NALF1: variants seen among roughly 807,000 people sequenced by gnomAD.
The protein encoded by NALF1 is NALCN channel auxiliary factor 1, also known as family with sequence similarity 155 member A.
A neutral mutation model predicts 48.4 loss-of-function variants in NALF1; 3 were observed. The ratio of observed to expected loss-of-function variants is 0.06; its 90% CI spans 0.03 to 0.16. The LOEUF (loss-of-function observed/expected upper bound fraction) is 0.16. NALF1 is among the 10% of genes least tolerant of loss of function. NALF1 has a pLI of 1.00. For missense variants in NALF1, 526 were observed against 571.5 expected (o/e 0.92, Z 0.81); for synonymous variants, 262 against 245.7 (o/e 1.07, Z -0.62).
intron 1 of NALF1, among the ~76,000 whole-genome samples, chr13:107,222,858 T>A (rs1327154294): frequency 6.6e-6 from 1 of 152,220 alleles, no homozygotes; most frequent in East Asian, 1.9e-4. Context: ...AATGAATGAA[T>A]GAAAGAATGC....
intron 1 of NALF1, among the ~76,000 whole-genome samples, chr13:107,470,108 T>C (rs1885075973): frequency 6.6e-6 from 1 of 152,182 alleles, no homozygotes; most frequent in South Asian, 2.1e-4. Flanking sequence ...TCAATATTTA[T>C]AATTGAATCT....
intron 2 of NALF1, among the ~76,000 whole-genome samples, chr13:107,184,383 C>G (rs996334939): frequency 1.3e-5 from 2 of 151,594 alleles, no homozygotes; most frequent in African/African-American, 2.4e-5. Flanking sequence ...TTTATTTCCT[C>G]CTTCAGTTTT....
At chr13:107,412,729 A>G (rs1204099303) in intron 1 of NALF1, among the ~76,000 whole-genome samples, 4 of 152,202 alleles carry the variant, frequency 2.6e-5, no homozygotes, top group African/African-American at 9.6e-5. Flanking sequence ...TTACAATAGT[A>G]TCGTATCAAA....
chr13:107,821,418 G>A (rs1484340201), intron 1 of NALF1, among the ~76,000 whole-genome samples: 3 of 152,110 alleles, frequency 2.0e-5, no homozygotes, highest in African/African-American at 4.8e-5. Flanking sequence ...TTGAGATGAC[G>A]CGTGAGGGCT....
intron 1 of NALF1, among the ~76,000 whole-genome samples, chr13:107,472,978 G>T (rs1331083195): frequency 1.3e-5 from 2 of 152,116 alleles, no homozygotes; most frequent in Non-Finnish European, 2.9e-5. Context: ...TTTCAACCTG[G>T]AATTTGTCTT....
At chr13:107,306,563 T>C (rs901353116) in intron 1 of NALF1, among the ~76,000 whole-genome samples, 4 of 152,178 alleles carry the variant, frequency 2.6e-5, no homozygotes, top group Non-Finnish European at 4.4e-5. Context: ...ACAGCAACTA[T>C]GGCCACAACA....
intron 1 of NALF1, among the ~76,000 whole-genome samples, chr13:107,353,659 A>C (rs1882913268): frequency 6.6e-6 from 1 of 152,214 alleles, no homozygotes; most frequent in Non-Finnish European, 1.5e-5. Context: ...GACTCAGCCA[A>C]TGAGGACATG....
At chr13:107,698,647 T>G (rs1449175120) in intron 1 of NALF1, among the ~76,000 whole-genome samples, 1 of 152,150 alleles carries the variant, frequency 6.6e-6, no homozygotes, top group Non-Finnish European at 1.5e-5. Context: ...AAAATATCAT[T>G]CTCTGAGATC....
rs193103084 is a variant in NALF1, at chr13:107,190,924, C to G, written c.1087+19660G>C. ...GGTGTAGCTTCATTTGAAGAGGATACTATTCATTAGAATTGCAGCATTCCA... is the reference window on the plus strand; with the variant it reads ...GGTGTAGCTTCATTTGAAGAGGATAGTATTCATTAGAATTGCAGCATTCCA... On this transcript the variant is annotated intron_variant, in intron 2 of 2. Transcript: ENST00000375915. 4.5e-3 allele frequency among the ~76,000 whole-genome samples: 691 copies of G among 152,268 alleles called. 4 individuals carry two copies. Among genetic ancestry groups the G allele is most frequent in the Non-Finnish European group, 7.4e-3 (505 of 68,022 alleles).
chr13:107,179,682 A>C (rs953331247), intron 2 of NALF1, among the ~76,000 whole-genome samples: 2 of 151,384 alleles, frequency 1.3e-5, no homozygotes, highest in Non-Finnish European at 2.9e-5. Flanking sequence ...AAAAAAAAAA[A>C]AAAACCACAG....
chr13:107,777,087 G>A (rs999786977), intron 1 of NALF1, among the ~76,000 whole-genome samples: 4 of 152,060 alleles, frequency 2.6e-5, no homozygotes, highest in Non-Finnish European at 5.9e-5. Flanking sequence ...GCAAGAACCT[G>A]TCTCAAACAA....
intron 1 of NALF1, among the ~76,000 whole-genome samples, chr13:107,688,605 A>G (rs1797813927): frequency 6.6e-6 from 1 of 152,236 alleles, no homozygotes; most frequent in Admixed American, 6.5e-5. Flanking sequence ...ATTCTAAAGC[A>G]GTTTTCCAAT....
intron 1 of NALF1, among the ~76,000 whole-genome samples, chr13:107,724,517 T>C (rs1405908767): frequency 1.3e-5 from 2 of 152,196 alleles, no homozygotes; most frequent in African/African-American, 4.8e-5. Context: ...AAAAACAATG[T>C]ATACAACACT....
intron 1 of NALF1, among the ~76,000 whole-genome samples, chr13:107,728,038 G>A (rs1876207975): frequency 6.6e-6 from 1 of 152,182 alleles, no homozygotes; most frequent in Admixed American, 6.5e-5. Context: ...GGAAACAACA[G>A]ATGCTGGAGA....
chr13:107,173,697 T>A (rs1878852470), intron 2 of NALF1, among the ~76,000 whole-genome samples: 1 of 152,160 alleles, frequency 6.6e-6, no homozygotes, highest in African/African-American at 2.4e-5. Context: ...TCTAGTGTCT[T>A]CAGTAGGAAA....
chr13:107,741,583 A>T (rs894797237), intron 1 of NALF1, among the ~76,000 whole-genome samples: 1 of 152,196 alleles, frequency 6.6e-6, no homozygotes, highest in Non-Finnish European at 1.5e-5. Flanking sequence ...CAATAATACA[A>T]GGGAACTTTT....
intron 1 of NALF1, among the ~76,000 whole-genome samples, chr13:107,818,859 G>A (rs9587441): frequency 0.075 from 6,652 of 88,254 alleles, 504 homozygotes; most frequent in African/African-American, 0.26. Context: ...GCGACAGAGC[G>A]AGACTCCGTC....
chr13:107,783,496 CTT>C (rs1450287876), intron 1 of NALF1, among the ~76,000 whole-genome samples: 1 of 152,144 alleles, frequency 6.6e-6, no homozygotes, highest in African/African-American at 2.4e-5. Flanking sequence ...ACATGGGAGA[CTT>C]TTCATTTTGT....
rs187024517 is a variant in NALF1, at chr13:107,306,254, T to C, written c.916-95499A>G. On this transcript the variant is annotated intron_variant, in intron 1 of 2. Coordinates refer to ENST00000375915, the MANE Select transcript of NALF1 (RefSeq NM_001080396.3). ...AAACAACATGATATGACTTCTCACA[T>C]TGACATGATCGCTGTTGGACCGTGG... Among the ~76,000 whole-genome samples, 15 of 152,324 alleles carry C rather than the reference T, an allele frequency of 9.8e-5. No homozygotes were observed. The East Asian group carries it at 2.9e-3, about 29-fold the overall frequency.
Sources: gnomAD v4.1 joint callset for allele counts (sites outside exome capture counted in the v4.1 genomes callset) on GRCh38, gnomAD v4.1.1 for gene constraint, MANE v1.5 for transcripts, NCBI Gene and HGNC (gene_info 2026-07-23, HGNC 2026-07-21) for gene names.